The following THBS2 variants were observed in gnomAD, a reference collection of about 807,000 sequenced individuals.
The protein encoded by THBS2 is thrombospondin-2.
Under a neutral mutation model 135.2 loss-of-function variants are expected in THBS2, and 47 were observed. The ratio of observed to expected loss-of-function variants is 0.35; its 90% confidence interval spans 0.28 to 0.44. THBS2 has a LOEUF of 0.44. Ranked by LOEUF, THBS2 falls within the 20% of genes least tolerant of loss-of-function variation. The pLI is 1.00. For synonymous variants in THBS2, 639 were observed against 633.8 expected (o/e 1.01, Z -0.12); for missense variants, 1,288 against 1,603.1 (o/e 0.80, Z 3.36).
At chr6:169,232,560 C>T (rs529919792) in intron 12 of THBS2, 104 bp downstream of exon 12, 7 of 1,508,664 alleles carry the variant, frequency 4.6e-6, no homozygotes, top group Middle Eastern at 3.6e-4. Flanking sequence ...ATGCCTCTCC[C>T]GGGCCACGCC....
chr6:169,252,624 G>A lies in THBS2; in HGVS notation c.-23+1100C>T, dbSNP rs886586775. Among the ~76,000 whole-genome samples the A allele has an allele frequency of 6.6e-6, 1 of 152,174 alleles. No individual in the cohort carries two copies. Among genetic ancestry groups the A allele is most frequent in the Non-Finnish European group, 1.5e-5 (1 of 68,030 alleles). On this transcript the variant is annotated intron_variant, in intron 1 of 21. Coordinates refer to ENST00000617924, the MANE Select transcript of THBS2 (RefSeq NM_003247.5). This position sits in a 1 kb window ranked among gnomAD's most constrained non-coding sequence, Gnocchi z 4.3. ...CATCCCCTGCTGCGGATTGTCAAAGGACAGTGAGGCTCCATCCCACAGGAA... is the reference window on the plus strand; with the variant it reads ...CATCCCCTGCTGCGGATTGTCAAAGAACAGTGAGGCTCCATCCCACAGGAA...
At chr6:169,240,242 G>T (rs1583416436) in intron 6 of THBS2, among the ~76,000 whole-genome samples, 1 of 152,120 alleles carries the variant, frequency 6.6e-6, no homozygotes, top group African/African-American at 2.4e-5. Flanking sequence ...CCCCCTCTCT[G>T]GGCTCTGGTT....
intron 10 of THBS2, chr6:169,234,380 G>C: frequency 4.9e-6 from 1 of 204,836 alleles, no homozygotes; most frequent in Non-Finnish European, 9.5e-6. Flanking sequence ...CACATTCCAT[G>C]CCACACAACT....
chr6:169,235,246 T>A (rs1779993438), intron 9 of THBS2, among the ~76,000 whole-genome samples: 2 of 151,814 alleles, frequency 1.3e-5, no homozygotes, highest in Non-Finnish European at 2.9e-5. Context: ...GCTCTCAAAC[T>A]CCTGGCCTCA....
rs115083576 is a variant in THBS2, at chr6:169,252,891, T to C, written c.-23+833A>G. The stretch of plus-strand genomic sequence containing the variant: ...ATGAACAATCAAAGTAAAAGATAGC[T>C]TTGCAGAGAGCTAATTGTTTACCGG... On this transcript the variant is annotated intron_variant, in intron 1 of 21. Coordinates refer to ENST00000617924, the MANE Select transcript of THBS2 (RefSeq NM_003247.5). The surrounding 1 kb of genome is among the most constrained non-coding windows in gnomAD (Gnocchi z 4.3). 9.3e-3 allele frequency among the ~76,000 whole-genome samples: 1,423 copies of C among 152,346 alleles called. 15 individuals are homozygous for C. The highest frequency in any genetic ancestry group is 0.032 in the African/African-American group (1,340 of 41,578).
rs576865213 is a variant in THBS2, at chr6:169,251,055, A to T, written c.-22-249T>A. ...TGCACATCACGTTCTAAATATTCCT[A>T]TTATTTCATCTTCATAATAGCCTGG... On this transcript the variant is annotated intron_variant, in intron 1 of 21. Coordinates refer to ENST00000617924, the MANE Select transcript of THBS2 (RefSeq NM_003247.5). 4.6e-5 allele frequency among the ~76,000 whole-genome samples: 7 copies of T among 152,302 alleles called. No homozygotes were observed. The South Asian group carries it at 1.4e-3, about 32-fold the overall frequency.
rs1173200738 is a variant in THBS2 at position 169,248,684 on chromosome 6, C to A, written c.342G>T (p.Glu114Asp). Reference protein sequence around the residue: ...EGPGLSQRQFEIVSNGPADTL... With the variant: ...EGPGLSQRQFDIVSNGPADTL... ...TGTCCGCGGGGCCGTTGGAGACGAT[C>A]TCGAACTGCCTCTGGGAGAGACCGG... Residue 114 changes from glutamate to aspartate, a missense_variant, in exon 3 of 22, where the codon GAG (glutamate) becomes GAT (aspartate). Physicochemically the swap from Glu to Asp is conservative, Grantham distance 45. Transcript: ENST00000617924. The A allele has an allele frequency of 8.1e-6, 13 of 1,613,776 alleles. No homozygotes were observed. Among genetic ancestry groups the A allele is most frequent in the Non-Finnish European group, 9.3e-6 (11 of 1,179,918 alleles).
At chr6:169,249,235 GAGGAGCGTGTGCCAGA>G (rs1780675920) in intron 2 of THBS2, among the ~76,000 whole-genome samples, 1 of 152,224 alleles carries the variant, frequency 6.6e-6, no homozygotes, top group South Asian at 2.1e-4. Flanking sequence ...CTGGCTGGTC[GAGGAGCGTGTGCCAGA>G]AGGTAAATCG....
rs1158544386 is a variant in THBS2, at chr6:169,225,379, T to C, written c.2539A>G (p.Thr847Ala). ...CCAACAAGGTCATTGTCCACGTCGG[T>C]CTAGGGGATGGGGCGTGAGAGAAAC... is the stretch of plus-strand genomic sequence containing the variant. ...NCPLVHNPDQ[T>A]DVDNDLVGDQ... The change falls in exon 17 of 22, where the codon ACC becomes GCC. Residue 847 changes from threonine to alanine, a missense_variant and splice_region_variant. Coordinates refer to ENST00000617924, the MANE Select transcript of THBS2 (RefSeq NM_003247.5). The C allele has an allele frequency of 2.6e-6, 4 of 1,553,730 alleles. No individual in the cohort carries two copies. The highest frequency in any genetic ancestry group is 3.5e-6 in the Non-Finnish European group (4 of 1,148,050).
chr6:169,223,086 A>C (rs1264262975), intron 18 of THBS2, among the ~76,000 whole-genome samples, 162 bp downstream of exon 18: 1 of 152,200 alleles, frequency 6.6e-6, no homozygotes, highest in Non-Finnish European at 1.5e-5. Flanking sequence ...TGTACCTGTC[A>C]AGGTTATTTA....
chr6:169,232,610 ATC>A, intron 12 of THBS2, 52 bp downstream of exon 12: 1 of 1,546,496 alleles, frequency 6.5e-7, no homozygotes. Context: ...TTCTGAGCTC[ATC>A]TGATTTTTCC....
Position 169,225,377 on chromosome 6 carries a change from G to A in THBS2, c.2541C>T (p.Thr847=), listed in dbSNP as rs746691182. 5.8e-6 allele frequency: 9 copies of A among 1,553,928 alleles called. No individual in the cohort carries two copies. The highest frequency in any genetic ancestry group is 3.9e-5 in the Admixed American group (2 of 51,096). ...CCCCAACAAGGTCATTGTCCACGTCGGTCTAGGGGATGGGGCGTGAGAGAA... is the reference window on the plus strand; with the variant it reads ...CCCCAACAAGGTCATTGTCCACGTCAGTCTAGGGGATGGGGCGTGAGAGAA... The part of the protein sequence containing the change: ...NCPLVHNPDQ[T]DVDNDLVGDQ... The change falls in exon 17 of 22, where the codon ACC becomes ACT. Residue 847 remains threonine (T), a splice_region_variant and synonymous_variant. Transcript: ENST00000617924.
intron 20 of THBS2, 147 bp from the exon 21 acceptor site, chr6:169,220,484 T>C (rs1779384500): frequency 2.0e-6 from 2 of 1,023,600 alleles, no homozygotes; most frequent in Non-Finnish European, 1.4e-6. Flanking sequence ...TTGCTGGCTT[T>C]CTCCTTTGGA....
chr6:169,242,691 T>C (rs28445193), intron 4 of THBS2, among the ~76,000 whole-genome samples: 236 of 9,956 alleles, frequency 0.024, no homozygotes, highest in African/African-American at 0.048. Context: ...CACCTTCCCA[T>C]CTTCCCACCT....
In THBS2 at chr6:169,232,909, T is replaced by C; in HGVS notation, c.1760A>G (p.His587Arg). ...CPVGFLGNGT[H>R]CEDLDECALV... The stretch of plus-strand genomic sequence containing the variant: ...ACCCACCTCGTCCAGGTCCTCACAG[T>C]GGGTGCCATTGCCCAAGAAGCCCAC... Residue 587 changes from histidine to arginine, a missense_variant, in exon 11 of 22, where the codon CAC becomes CGC. Physicochemically the swap from His to Arg is conservative, Grantham distance 29. This residue lies in a region of THBS2 where 874 missense variants were observed against 1,156.1 expected (regional missense o/e 0.76). Coordinates refer to ENST00000617924, the MANE Select transcript of THBS2 (RefSeq NM_003247.5). 6.3e-7 allele frequency: 1 copy of C among 1,589,418 alleles called. No homozygotes were observed. The highest frequency in any genetic ancestry group is 1.3e-5 in the African/African-American group (1 of 74,874).
At chr6:169,233,214 C>T (rs1180226438) in intron 10 of THBS2, among the ~76,000 whole-genome samples, 197 bp from the exon 11 acceptor site, 2 of 152,052 alleles carry the variant, frequency 1.3e-5, no homozygotes, top group African/African-American at 4.8e-5. Context: ...CACAGTGCAG[C>T]GGGTTGCAGA....
In THBS2 at chr6:169,237,292, G is replaced by A; in HGVS notation, c.1355C>T (p.Thr452Ile). 6.2e-7 allele frequency: 1 copy of A among 1,613,492 alleles called. No individual in the cohort carries two copies. The highest frequency in any genetic ancestry group is 8.5e-7 in the Non-Finnish European group (1 of 1,180,028). The change falls in exon 9 of 22, where the codon ACC becomes ATC. Residue 452 changes from threonine (T) to isoleucine (I), a missense_variant. Transcript: ENST00000617924. ...HWSPWSSCSVTCGVGNITRIR... is the reference protein window; with the variant it reads ...HWSPWSSCSVICGVGNITRIR... ...GCGTGTGATATTGCCAACTCCACAG[G>A]TCACAGAGCATGAAGACCAAGGTGA...
chr6:169,250,695 C>T, intron 2 of THBS2, 38 bp downstream of exon 2: 2 of 1,593,742 alleles, frequency 1.3e-6, no homozygotes, highest in Non-Finnish European at 1.7e-6. Context: ...CCATATCTCA[C>T]AAGCCAGAGA....
chr6:169,244,162 GTGT>G (rs1184328530), intron 4 of THBS2, among the ~76,000 whole-genome samples: 1 of 108,972 alleles, frequency 9.2e-6, no homozygotes, highest in African/African-American at 3.9e-5. Context: ...AGATTTCTCT[GTGT>G]TTTTTTTTTT....
Sources: gnomAD v4.1 joint callset for allele counts (sites outside exome capture counted in the v4.1 genomes callset) on GRCh38, gnomAD v4.1.1 for gene constraint, gnomAD v4.1.1 regional missense constraint, Gnocchi (gnomAD v3.1) non-coding constraint, MANE v1.5 for transcripts, NCBI Gene and HGNC (gene_info 2026-07-23, HGNC 2026-07-21) for gene names.